The following TRPC1 variants were observed in gnomAD, a reference collection of about 807,000 sequenced individuals.
The protein encoded by TRPC1 is short transient receptor potential channel 1.
Under a neutral mutation model 88.2 loss-of-function variants are expected in TRPC1, and 42 were observed. The ratio of observed to expected loss-of-function variants is 0.48; its 90% confidence interval spans 0.37 to 0.62. The LOEUF (loss-of-function observed/expected upper bound fraction) is 0.62, where lower values mean the gene tolerates loss of function less well. Among genes scored for constraint, TRPC1 ranks in the 20% least tolerant of loss-of-function variants. The probability of loss-of-function intolerance (pLI) is 0.00; values close to 1 mark genes in which losing one functional copy is unlikely to be tolerated. For missense variants in TRPC1, 699 were observed against 957.3 expected (o/e 0.73, Z 3.56); for synonymous variants, 288 against 331.8 (o/e 0.87, Z 1.43).
In TRPC1 at chr3:142,792,711, C is replaced by T; in HGVS notation, c.1438-113C>T. 5 of 932,404 alleles carry T rather than the reference C, an allele frequency of 5.4e-6. No homozygotes were observed. The highest frequency in any genetic ancestry group is 3.3e-5 in the Admixed American group (1 of 30,684). The allele number at this position is 932,404 out of a possible 1,614,324, so 57.8% of individuals were successfully genotyped here. On this transcript the variant is annotated intron_variant, in intron 8 of 12. Coordinates refer to ENST00000476941, the MANE Select transcript of TRPC1 (RefSeq NM_001251845.2). This position sits in a 1 kb window ranked among gnomAD's most constrained non-coding sequence, Gnocchi z 4.0. The stretch of plus-strand genomic sequence containing the variant: ...ACCCTATAAAACATAAGTGGAGATC[C>T]CCTATAAGAAGACAAAATTAAAATG...
At chr3:142,760,677 G>A (rs1043685603) in intron 4 of TRPC1, among the ~76,000 whole-genome samples, 13 of 152,058 alleles carry the variant, frequency 8.5e-5, no homozygotes, top group African/African-American at 3.1e-4. Context: ...GGGTAGTGTT[G>A]TCATTTTAAC....
intron 7 of TRPC1, among the ~76,000 whole-genome samples, chr3:142,786,559 C>G (rs1015675956): frequency 2.0e-5 from 3 of 151,992 alleles, no homozygotes; most frequent in Non-Finnish European, 4.4e-5. Flanking sequence ...TAGTTTTGCT[C>G]TTATCTAAAA....
intron 3 of TRPC1, among the ~76,000 whole-genome samples, chr3:142,746,581 A>G (rs146078604): frequency 8.9e-4 from 136 of 152,340 alleles, no homozygotes; most frequent in African/African-American, 3.1e-3. Context: ...ATATCAGAAA[A>G]TATTAAAACT....
chr3:142,788,827 T>C (rs1192936201), intron 7 of TRPC1, among the ~76,000 whole-genome samples: 1 of 152,182 alleles, frequency 6.6e-6, no homozygotes, highest in African/African-American at 2.4e-5. Flanking sequence ...TTCAACTTAC[T>C]ATGTTCTTTG....
rs758115404 is a variant in TRPC1 at position 142,802,283 on chromosome 3, A to G, written c.1696A>G (p.Lys566Glu). 1.9e-6 allele frequency: 3 copies of G among 1,597,108 alleles called. No individual in the cohort carries two copies. Among genetic ancestry groups the G allele is most frequent in the African/African-American group, 2.7e-5 (2 of 74,002 alleles). Residue 566 changes from lysine to glutamate, a missense_variant, in exon 10 of 13, where the codon AAG becomes GAG. Physicochemically the swap from Lys to Glu is moderately conservative, Grantham distance 56. Coordinates refer to ENST00000476941, the MANE Select transcript of TRPC1 (RefSeq NM_001251845.2). ...ACTGTATGATAAAGGATATACTTCA[A>G]AGGAGCAGAAGGACTGTGTAGGCAT... is the stretch of plus-strand genomic sequence containing the variant. Reference protein sequence around the residue: ...TQLYDKGYTSKEQKDCVGIFC... With the variant: ...TQLYDKGYTSEEQKDCVGIFC...
At chr3:142,777,088 G>A (rs1935801443) in intron 4 of TRPC1, among the ~76,000 whole-genome samples, 1 of 152,126 alleles carries the variant, frequency 6.6e-6, no homozygotes, top group Admixed American at 6.6e-5. Flanking sequence ...AAGATGGGAG[G>A]ATAACTTGAG....
At chr3:142,764,204 C>A (rs912166536) in intron 4 of TRPC1, among the ~76,000 whole-genome samples, 1 of 151,384 alleles carries the variant, frequency 6.6e-6, no homozygotes, top group African/African-American at 2.4e-5. Flanking sequence ...TTTTATATTA[C>A]CTATTTCTTA....
At chr3:142,762,026 C>G (rs1935198901) in intron 4 of TRPC1, among the ~76,000 whole-genome samples, 1 of 151,504 alleles carries the variant, frequency 6.6e-6, no homozygotes, top group Non-Finnish European at 1.5e-5. Context: ...TTTCATTGAT[C>G]TTCTGTGGTT....
rs1935789068 is a variant in TRPC1, at chr3:142,776,814, A to G, written c.633-818A>G. On this transcript the variant is annotated intron_variant, in intron 4 of 12. Transcript: ENST00000476941. This position sits in a 1 kb window ranked among gnomAD's most constrained non-coding sequence, Gnocchi z 4.1. The stretch of plus-strand genomic sequence containing the variant: ...GCTACTTGGGAGGCTGAGGCAGGAG[A>G]ATCACTTGAACCAGGGAGTCGGAGG... Among the ~76,000 whole-genome samples the G allele has an allele frequency of 6.6e-6, 1 of 152,042 alleles. No homozygotes were observed. The highest frequency in any genetic ancestry group is 1.5e-5 in the Non-Finnish European group (1 of 68,010).
chr3:142,730,118 C>T (rs571671843), intron 1 of TRPC1, among the ~76,000 whole-genome samples: 1 of 152,058 alleles, frequency 6.6e-6, no homozygotes, highest in South Asian at 2.1e-4. Flanking sequence ...GTTGCAACAA[C>T]CTGATATAAA....
intron 4 of TRPC1, among the ~76,000 whole-genome samples, chr3:142,760,911 G>A (rs1385800565): frequency 6.6e-6 from 1 of 151,992 alleles, no homozygotes; most frequent in Non-Finnish European, 1.5e-5. Context: ...ATATATAAAT[G>A]TTATTGACAT....
At chr3:142,770,284 A>T (rs1935532976) in intron 4 of TRPC1, among the ~76,000 whole-genome samples, 1 of 151,638 alleles carries the variant, frequency 6.6e-6, no homozygotes, top group African/African-American at 2.4e-5. Context: ...TTTAGTAGAG[A>T]TGGGGTTTCA....
intron 9 of TRPC1, among the ~76,000 whole-genome samples, chr3:142,795,128 G>A (rs1936412655): frequency 6.6e-6 from 1 of 152,004 alleles, no homozygotes; most frequent in South Asian, 2.1e-4. Flanking sequence ...AAACACATTA[G>A]TAAACTCGAA....
chr3:142,764,188 A>G (rs28658009), intron 4 of TRPC1, among the ~76,000 whole-genome samples: 50,802 of 150,404 alleles, frequency 0.34, 11,652 homozygotes, highest in African/African-American at 0.67. Flanking sequence ...TTGTCAACTG[A>G]TATATTTTTA....
intron 9 of TRPC1, 138 bp downstream of exon 9, chr3:142,793,105 A>T: frequency 1.4e-6 from 1 of 718,568 alleles, no homozygotes; most frequent in Non-Finnish European, 2.1e-6. Context: ...AATTAGAAGG[A>T]CACAGCATGT....
At chr3:142,750,527 A>C (rs1035528854) in intron 4 of TRPC1, among the ~76,000 whole-genome samples, 4 of 152,208 alleles carry the variant, frequency 2.6e-5, no homozygotes, top group Admixed American at 2.6e-4. Flanking sequence ...AGAATCTAGA[A>C]CCAGAAATAC....
intron 9 of TRPC1, chr3:142,793,841 G>A: frequency 1.0e-6 from 1 of 984,308 alleles, no homozygotes; most frequent in Non-Finnish European, 1.2e-6. Context: ...TCCAAACAGG[G>A]ATATGAAAAT....
intron 6 of TRPC1, among the ~76,000 whole-genome samples, chr3:142,783,206 C>T (rs898016642): frequency 6.6e-6 from 1 of 152,134 alleles, no homozygotes; most frequent in Non-Finnish European, 1.5e-5. Context: ...AGAGGGATAG[C>T]AAGGACAGTA....
At chr3:142,774,913 T>C (rs1194710435) in intron 4 of TRPC1, among the ~76,000 whole-genome samples, 1 of 152,228 alleles carries the variant, frequency 6.6e-6, no homozygotes, top group Non-Finnish European at 1.5e-5. Context: ...CCACCATTAT[T>C]GGAAGTTACT....
Sources: allele counts gnomAD v4.1 joint callset (sites outside exome capture counted in the v4.1 genomes callset), GRCh38; gene constraint gnomAD v4.1.1; non-coding constraint Gnocchi (gnomAD v3.1); transcripts MANE v1.5; gene names NCBI Gene and HGNC (gene_info 2026-07-23, HGNC 2026-07-21).